TSHZ2: variants seen among roughly 807,000 people sequenced by gnomAD.
The protein encoded by TSHZ2 is teashirt homolog 2.
A neutral mutation model predicts 74.4 loss-of-function variants in TSHZ2; 21 were observed. The ratio of observed to expected loss-of-function variants is 0.28; its 90% CI spans 0.20 to 0.41. TSHZ2 has a LOEUF of 0.41. TSHZ2 is among the 10% of genes least tolerant of loss of function. TSHZ2 has a pLI of 1.00. For missense variants in TSHZ2, 1,244 were observed against 1,293.5 expected (o/e 0.96, Z 0.59); for synonymous variants, 540 against 515.3 (o/e 1.05, Z -0.65).
At chr20:53,457,789 A>C (rs1985164196) in intron 2 of TSHZ2, among the ~76,000 whole-genome samples, 1 of 151,936 alleles carries the variant, frequency 6.6e-6, no homozygotes, top group Admixed American at 6.6e-5. Flanking sequence ...ATTTTGTCAA[A>C]GGCCTTCTCT....
intron 1 of TSHZ2, among the ~76,000 whole-genome samples, chr20:53,098,923 G>C (rs1986134263): frequency 6.6e-6 from 1 of 152,192 alleles, no homozygotes; most frequent in East Asian, 1.9e-4. Flanking sequence ...GTATCCTTCT[G>C]TATCTTTGGA....
intron 1 of TSHZ2, among the ~76,000 whole-genome samples, chr20:53,021,829 T>C (rs1983258247): frequency 6.6e-6 from 1 of 152,244 alleles, no homozygotes; most frequent in Non-Finnish European, 1.5e-5. Context: ...TGTATCCAGA[T>C]ACTTGGTTTT....
chr20:53,426,360 G>A (rs534314605), intron 2 of TSHZ2, among the ~76,000 whole-genome samples: 1 of 152,182 alleles, frequency 6.6e-6, no homozygotes, highest in African/African-American at 2.4e-5. Flanking sequence ...ATTGGAGAAG[G>A]TGACTGGGGG....
intron 2 of TSHZ2, among the ~76,000 whole-genome samples, chr20:53,351,924 G>A (rs980500843): frequency 1.3e-5 from 2 of 152,118 alleles, no homozygotes; most frequent in Non-Finnish European, 2.9e-5. Flanking sequence ...AATTTGTACT[G>A]CTAGTCACTC....
chr20:53,275,976 T>C (rs1990938536), intron 2 of TSHZ2, among the ~76,000 whole-genome samples: 1 of 152,196 alleles, frequency 6.6e-6, no homozygotes, highest in African/African-American at 2.4e-5. Flanking sequence ...GTCTACATTG[T>C]GTATATCAAA....
intron 1 of TSHZ2, among the ~76,000 whole-genome samples, chr20:53,167,756 G>A (rs1988096239): frequency 6.6e-6 from 1 of 152,172 alleles, no homozygotes; most frequent in Non-Finnish European, 1.5e-5. Context: ...GCAGAGAGGT[G>A]AACTTTGCAG....
intron 2 of TSHZ2, among the ~76,000 whole-genome samples, chr20:53,469,904 A>C (rs1985742874): frequency 2.0e-5 from 1 of 50,366 alleles, no homozygotes; most frequent in South Asian, 5.3e-4. Flanking sequence ...GAAAGGAGGA[A>C]GGAAGGAAGG....
At chr20:53,090,203 C>A (rs752184332) in intron 1 of TSHZ2, among the ~76,000 whole-genome samples, 1 of 152,178 alleles carries the variant, frequency 6.6e-6, no homozygotes, top group Non-Finnish European at 1.5e-5. Context: ...TCTTCTCCTG[C>A]CTGCTTTATT....
chr20:53,228,103 A>AACACACAC (rs10561638), intron 1 of TSHZ2, among the ~76,000 whole-genome samples: 69 of 134,542 alleles, frequency 5.1e-4, no homozygotes, highest in Non-Finnish European at 8.7e-4. Flanking sequence ...TGGCCCCCAA[A>AACACACAC]ACACACACAC....
Position 53,253,559 on chromosome 20 carries a change from A to G in TSHZ2, c.101A>G (p.Glu34Gly), listed in dbSNP as rs774167179. The part of the protein sequence containing the change: ...EEEIKEEEEE[E>G]DSGSVAQLQG... ...GAAATAAAAGAAGAGGAGGAGGAGGAGGACAGCGGTTCAGTAGCTCAACTG... is the reference window on the plus strand; with the variant it reads ...GAAATAAAAGAAGAGGAGGAGGAGGGGGACAGCGGTTCAGTAGCTCAACTG... Residue 34 changes from glutamate (E) to glycine (G), a missense_variant, in exon 2 of 3, where the codon GAG (glutamate) becomes GGG (glycine). Physicochemically the swap from Glu to Gly is moderately conservative, Grantham distance 98. Coordinates refer to ENST00000371497, the MANE Select transcript of TSHZ2 (RefSeq NM_173485.6). 12 of 1,613,842 alleles carry G rather than the reference A, an allele frequency of 7.4e-6. No individual in the cohort carries two copies. In the Admixed American group the frequency reaches 2.0e-4, roughly 27 times the overall value.
intron 2 of TSHZ2, among the ~76,000 whole-genome samples, chr20:53,277,541 T>C (rs1359974360): frequency 6.6e-6 from 1 of 152,104 alleles, no homozygotes; most frequent in Non-Finnish European, 1.5e-5. Flanking sequence ...GTTCAGAGGA[T>C]GTATGCCATC....
intron 2 of TSHZ2, among the ~76,000 whole-genome samples, chr20:53,464,707 G>C (rs746828676): frequency 6.6e-6 from 1 of 152,096 alleles, no homozygotes; most frequent in Non-Finnish European, 1.5e-5. Flanking sequence ...GGGCTCAAGA[G>C]TCCTCCTGCC....
chr20:53,286,050 A>G (rs1475903412), intron 2 of TSHZ2, among the ~76,000 whole-genome samples: 2 of 152,176 alleles, frequency 1.3e-5, no homozygotes, highest in African/African-American at 4.8e-5. Context: ...GTAGAGGTAT[A>G]TGGAGTGCAG....
intron 2 of TSHZ2, among the ~76,000 whole-genome samples, chr20:53,425,678 A>G (rs1285334054): frequency 6.6e-6 from 1 of 152,244 alleles, no homozygotes; most frequent in East Asian, 1.9e-4. Flanking sequence ...GAGCTCTGCC[A>G]TTATAGCATG....
chr20:53,345,198 G>C (rs1980388982), intron 2 of TSHZ2, among the ~76,000 whole-genome samples: 2 of 152,228 alleles, frequency 1.3e-5, no homozygotes, highest in Non-Finnish European at 2.9e-5. Flanking sequence ...TGTTTTTGTG[G>C]ATATGGAGCA....
intron 2 of TSHZ2, among the ~76,000 whole-genome samples, chr20:53,407,709 A>G (rs967448127): frequency 5.9e-5 from 9 of 152,212 alleles, no homozygotes; most frequent in Non-Finnish European, 1.3e-4. Flanking sequence ...ACAACCAGTG[A>G]AAAGGTCTTA....
intron 1 of TSHZ2, among the ~76,000 whole-genome samples, chr20:53,233,448 G>T (rs1464378285): frequency 1.3e-5 from 2 of 152,186 alleles, no homozygotes; most frequent in African/African-American, 4.8e-5. Context: ...AGACCTTTAC[G>T]CTAAAACTGG....
At chr20:53,475,005 A>C (rs1985947193) in intron 2 of TSHZ2, among the ~76,000 whole-genome samples, 2 of 138,688 alleles carry the variant, frequency 1.4e-5, no homozygotes, top group South Asian at 2.4e-4. Flanking sequence ...CAGATTCATA[A>C]AGCAAGTTCT....
intron 1 of TSHZ2, among the ~76,000 whole-genome samples, chr20:53,116,883 C>G (rs1265569999): frequency 6.6e-6 from 1 of 152,086 alleles, no homozygotes; most frequent in African/African-American, 2.4e-5. Flanking sequence ...GCTTGCTCAA[C>G]CAACACTTGA....
Sources: gnomAD v4.1 joint callset for allele counts (sites outside exome capture counted in the v4.1 genomes callset) on GRCh38, gnomAD v4.1.1 for gene constraint, MANE v1.5 for transcripts, NCBI Gene and HGNC (gene_info 2026-07-23, HGNC 2026-07-21) for gene names.